Variants in CFAP70 observed in about 807,000 individuals in gnomAD.
CFAP70 encodes the protein cilia and flagella associated protein 70.
CFAP70 carries 81 observed loss-of-function variants against 137.6 expected under a neutral mutation model. The observed-to-expected ratio is 0.59, with a 90% CI of 0.49 to 0.71. The LOEUF (loss-of-function observed/expected upper bound fraction) is 0.71. Ranked by LOEUF, CFAP70 falls within the 30% of genes least tolerant of loss-of-function variation. The pLI is 0.00. For synonymous variants in CFAP70, 382 were observed against 423.6 expected (o/e 0.90, Z 1.20); for missense variants, 976 against 1,226.7 (o/e 0.80, Z 3.05).
intron 10 of CFAP70, 151 bp downstream of exon 11, chr10:73,312,322 A>G: frequency 3.1e-6 from 2 of 642,024 alleles, no homozygotes; most frequent in East Asian, 5.5e-5. Context: ...CTATGTAACA[A>G]ACCTGCACAT....
At chr10:73,254,838 G>A (rs976580171) in intron 26 of CFAP70, among the ~76,000 whole-genome samples, 1 of 152,200 alleles carries the variant, frequency 6.6e-6, no homozygotes, top group African/African-American at 2.4e-5. Flanking sequence ...AATTGGTGGA[G>A]CACAAAGATA....
At chr10:73,352,190 C>T (rs2093318479) in intron 3 of CFAP70, among the ~76,000 whole-genome samples, 1 of 152,172 alleles carries the variant, frequency 6.6e-6, no homozygotes, top group African/African-American at 2.4e-5. Flanking sequence ...TCTCCACTAA[C>T]ATTATGAGGG....
intron 8 of CFAP70, among the ~76,000 whole-genome samples, chr10:73,329,082 A>C (rs1476631486): frequency 6.6e-6 from 1 of 152,108 alleles, no homozygotes; most frequent in African/African-American, 2.4e-5. Context: ...AAAGACTTGG[A>C]ACCAACCCAA....
intron 25 of CFAP70, among the ~76,000 whole-genome samples, chr10:73,258,909 A>C (rs1458590174): frequency 6.6e-6 from 1 of 152,174 alleles, no homozygotes; most frequent in Admixed American, 6.5e-5. Flanking sequence ...TCCTGATAAG[A>C]TGTCATCATT....
chr10:73,304,860 C>A (rs200849616), intron 12 of CFAP70, among the ~76,000 whole-genome samples: 72 of 121,116 alleles, frequency 5.9e-4, no homozygotes, highest in African/African-American at 1.5e-3. Flanking sequence ...AAAAAAAAAA[C>A]ACACACACCA....
chr10:73,348,399 T>C (rs771109958), intron 4 of CFAP70, 24 bp downstream of exon 4: 135 of 1,597,780 alleles, frequency 8.4e-5, no homozygotes, highest in Non-Finnish European at 1.1e-4. Flanking sequence ...CCATTTCTGC[T>C]TTTGGGCAAA....
At position 73,275,739 on chromosome 10, in the gene CFAP70, G is replaced by C. The variant is rs2046676985; in HGVS notation, c.2521-141C>G. 8 of 751,794 alleles carry C rather than the reference G, an allele frequency of 1.1e-5. No individual in the cohort carries two copies. Among genetic ancestry groups the C allele is most frequent in the Non-Finnish European group, 1.6e-5 (8 of 508,646 alleles). The allele number at this position is 751,794 out of a possible 1,614,324, so 46.6% of individuals were successfully genotyped here. Reference sequence around the variant, plus strand: ...TTATCCTCAACTTCAAAAGGTAAAGGGTGAATTACAAACATTCTGCACTTC... The same window carrying C: ...TTATCCTCAACTTCAAAAGGTAAAGCGTGAATTACAAACATTCTGCACTTC... On this transcript the variant is annotated intron_variant, in intron 21 of 26. Transcript: ENST00000310715. The surrounding 1 kb of genome is among the most constrained non-coding windows in gnomAD (Gnocchi z 4.0).
At chr10:73,356,707 T>C (rs1476983298) in intron 1 of CFAP70, among the ~76,000 whole-genome samples, 2 of 152,352 alleles carry the variant, frequency 1.3e-5, no homozygotes, top group East Asian at 3.9e-4. Flanking sequence ...CTTTAAGGGC[T>C]TTAGTGGCAC....
chr10:73,284,671 T>G (rs1358985945), intron 19 of CFAP70, among the ~76,000 whole-genome samples: 1 of 127,576 alleles, frequency 7.8e-6, no homozygotes, highest in Non-Finnish European at 1.6e-5. Flanking sequence ...TAATTGTGGT[T>G]TTTTTTTAAT....
chr10:73,306,219 C>A (rs2049361794), intron 12 of CFAP70, among the ~76,000 whole-genome samples: 1 of 152,050 alleles, frequency 6.6e-6, no homozygotes, highest in Non-Finnish European at 1.5e-5. Flanking sequence ...CCAGCATACA[C>A]ATTATGGAAG....
chr10:73,324,073 G>T (rs904827024), intron 8 of CFAP70, among the ~76,000 whole-genome samples: 5 of 152,196 alleles, frequency 3.3e-5, no homozygotes, highest in African/African-American at 1.2e-4. Flanking sequence ...CAGCCTAACT[G>T]GGAGGCACCC....
At chr10:73,299,209 T>C in intron 13 of CFAP70, 108 bp from the exon 15 acceptor site, 1 of 791,622 alleles carries the variant, frequency 1.3e-6, no homozygotes, top group Non-Finnish European at 2.0e-6. Context: ...TATTAGTTTG[T>C]TTGTTTGTTT....
intron 15 of CFAP70, chr10:73,295,774 T>C (rs1472196865): frequency 6.6e-6 from 1 of 152,218 alleles, no homozygotes; most frequent in Non-Finnish European, 1.5e-5. Context: ...TGGTATTTCC[T>C]AGAGTTCTAC....
chr10:73,300,615 C>A (rs1303731782), intron 12 of CFAP70, among the ~76,000 whole-genome samples: 2 of 152,106 alleles, frequency 1.3e-5, no homozygotes. Context: ...GTAATCCTAG[C>A]ACTTCGAGAG....
chr10:73,303,800 T>C (rs930710959), intron 12 of CFAP70, among the ~76,000 whole-genome samples: 3 of 152,202 alleles, frequency 2.0e-5, no homozygotes, highest in Admixed American at 2.0e-4. Flanking sequence ...TCACTCTGTA[T>C]TCCCCTATGT....
chr10:73,318,848 A>G (rs116687512), intron 9 of CFAP70, among the ~76,000 whole-genome samples: 212 of 152,366 alleles, frequency 1.4e-3, no homozygotes, highest in African/African-American at 4.9e-3. Context: ...TAGAAGTCCT[A>G]TTGGAAAGGA....
chr10:73,348,284 G>T (rs371488783), intron 4 of CFAP70, 49 bp from the exon 5 acceptor site: 16 of 1,593,164 alleles, frequency 1.0e-5, no homozygotes, highest in Non-Finnish European at 1.1e-5. Flanking sequence ...GTTAAGTTGG[G>T]ATGACTGCAG....
intron 2 of CFAP70, among the ~76,000 whole-genome samples, 158 bp from the exon 3 acceptor site, chr10:73,353,900 C>A (rs2054473304): frequency 6.6e-6 from 1 of 152,166 alleles, no homozygotes. Flanking sequence ...AATCATTAAA[C>A]AAATCTAGTT....
At chr10:73,323,780 G>GC (rs2051114415) in intron 8 of CFAP70, among the ~76,000 whole-genome samples, 1 of 152,228 alleles carries the variant, frequency 6.6e-6, no homozygotes, top group African/African-American at 2.4e-5. Context: ...GGGGAGGGGT[G>GC]CCCCCCATTG....
Sources: gnomAD v4.1 joint callset for allele counts (sites outside exome capture counted in the v4.1 genomes callset) on GRCh38, gnomAD v4.1.1 for gene constraint, Gnocchi (gnomAD v3.1) non-coding constraint, MANE v1.5 for transcripts, NCBI Gene and HGNC (gene_info 2026-07-23, HGNC 2026-07-21) for gene names.